The following TOMM20 variants were observed in gnomAD, a reference collection of about 807,000 sequenced individuals.
The protein encoded by TOMM20 is translocase of outer mitochondrial membrane 20, also known as mitochondrial import receptor subunit TOM20 homolog.
TOMM20 carries 10 observed loss-of-function variants against 22.1 expected under a neutral mutation model. The observed-to-expected ratio is 0.45, with a 90% confidence interval of 0.28 to 0.77. The LOEUF is 0.77. Ranked by LOEUF, TOMM20 falls within the 30% of genes least tolerant of loss-of-function variation. The pLI is 0.13. For synonymous variants in TOMM20, 55 were observed against 61.4 expected, an observed-to-expected ratio of 0.90 and a Z score of 0.49; for missense variants, 121 against 172.2, an observed-to-expected ratio of 0.70 and a Z score of 1.66.
chr1:235,127,202 C>T (rs2102814412), intron 1 of TOMM20, among the ~76,000 whole-genome samples: 1 of 152,154 alleles, frequency 6.6e-6, no homozygotes, highest in East Asian at 1.9e-4. Context: ...TGACCACCAG[C>T]ATTTATGGAG....
At chr1:235,117,200 T>C (rs1660849682) in intron 3 of TOMM20, among the ~76,000 whole-genome samples, 1 of 140,400 alleles carries the variant, frequency 7.1e-6, no homozygotes, top group African/African-American at 2.7e-5. Context: ...GGCTCACACC[T>C]GTAATCCCAG....
intron 1 of TOMM20, 174 bp from the exon 2 acceptor site, chr1:235,122,546 T>C (rs144927354): frequency 7.8e-6 from 4 of 511,294 alleles, no homozygotes; most frequent in African/African-American, 4.0e-5. Flanking sequence ...CAATGAGCTG[T>C]AGGAAATGTG....
chr1:235,116,882 T>C (rs950400153), intron 3 of TOMM20, among the ~76,000 whole-genome samples: 10 of 152,060 alleles, frequency 6.6e-5, no homozygotes, highest in African/African-American at 9.7e-5. Flanking sequence ...AAGCCTGTAA[T>C]CCCAGCACTT....
At chr1:235,114,767 A>G (rs1660804006) in intron 3 of TOMM20, among the ~76,000 whole-genome samples, 1 of 152,108 alleles carries the variant, frequency 6.6e-6, no homozygotes, top group African/African-American at 2.4e-5. Flanking sequence ...TTCAATAGAC[A>G]TATTATGTTT....
Position 235,116,947 on chromosome 1 carries a change from A to G in TOMM20, c.250+2871T>C, listed in dbSNP as rs191962459. ...TCAGGAGATCGAGACCATCCTGGCT[A>G]ACATGGTGAAACCCCGTCTCTACTA... On this transcript the variant is annotated intron_variant, in intron 3 of 4. Transcript: ENST00000366607. 5.5e-4 allele frequency among the ~76,000 whole-genome samples: 83 copies of G among 151,496 alleles called. No homozygotes were observed. The East Asian group carries it at 0.011, about 20-fold the overall frequency.
At chr1:235,112,958 A>T (rs1660763298) in intron 4 of TOMM20, among the ~76,000 whole-genome samples, 1 of 152,228 alleles carries the variant, frequency 6.6e-6, no homozygotes, top group Non-Finnish European at 1.5e-5. Context: ...AGTCGTTGGG[A>T]TCTTTACTTT....
At chr1:235,121,722 C>CATTTACTTA (rs1160576702) in intron 2 of TOMM20, among the ~76,000 whole-genome samples, 1 of 152,126 alleles carries the variant, frequency 6.6e-6, no homozygotes, top group African/African-American at 2.4e-5. Flanking sequence ...CAATGATTAA[C>CATTTACTTA]ATTTACTTAA....
chr1:235,119,986 A>G, intron 2 of TOMM20, 87 bp from the exon 3 acceptor site: 3 of 804,598 alleles, frequency 3.7e-6, no homozygotes, highest in Non-Finnish European at 5.6e-6. Flanking sequence ...TAAAACAACA[A>G]AAAACCAAAT....
chr1:235,118,634 C>G (rs767794479), intron 3 of TOMM20, among the ~76,000 whole-genome samples: 18 of 152,194 alleles, frequency 1.2e-4, no homozygotes, highest in Non-Finnish European at 7.3e-5. Flanking sequence ...TCAAGGTATC[C>G]TCCTACTTCA....
intron 1 of TOMM20, among the ~76,000 whole-genome samples, chr1:235,126,622 G>C (rs1661027426): frequency 6.6e-6 from 1 of 151,880 alleles, no homozygotes; most frequent in Non-Finnish European, 1.5e-5. Context: ...GGCCAATATG[G>C]TGAAACCCTG....
At position 235,112,094 on chromosome 1, in the gene TOMM20, A is replaced by G. The variant is rs753739387; in HGVS notation, c.408T>C (p.Ala136=). 6.2e-7 allele frequency: 1 copy of G among 1,608,276 alleles called. No individual in the cohort carries two copies. Among genetic ancestry groups the G allele is most frequent in the Non-Finnish European group, 8.5e-7 (1 of 1,177,854 alleles). Residue 136 remains alanine (A), a synonymous_variant, in exon 5 of 5, where the codon GCT becomes GCC. Transcript: ENST00000366607. ...CCACATCATCTTCAGCCAAGCTCTGAGCACTTACAATTCTCTGAAAGAAAA... is the reference window on the plus strand; with the variant it reads ...CCACATCATCTTCAGCCAAGCTCTGGGCACTTACAATTCTCTGAAAGAAAA... ...LPTISQRIVS[A]QSLAEDDVE
chr1:235,110,862 A>G lies in TOMM20; in HGVS notation c.*1202T>C, dbSNP rs1198623311. 1 of 152,244 alleles carries G rather than the reference A, an allele frequency of 6.6e-6. No homozygotes were observed. The highest frequency in any genetic ancestry group is 1.5e-5 in the Non-Finnish European group (1 of 68,048). 9.4% of individuals were successfully genotyped at this position (152,244 alleles called of 1,614,324 possible). A position where few individuals can be genotyped will look rare whatever the true frequency, so the allele number is the denominator to read the frequency against. On this transcript the variant is annotated 3_prime_UTR_variant, in exon 5 of 5. Coordinates refer to ENST00000366607, the MANE Select transcript of TOMM20 (RefSeq NM_014765.3). Reference sequence around the variant, plus strand: ...CACCAAGTACCAAGGATCCTTACTCAGTTCTGAAACTGTGACTACGGAGAA... The same window carrying G: ...CACCAAGTACCAAGGATCCTTACTCGGTTCTGAAACTGTGACTACGGAGAA...
At chr1:235,120,312 A>T (rs921084697) in intron 2 of TOMM20, among the ~76,000 whole-genome samples, 2 of 152,068 alleles carry the variant, frequency 1.3e-5, no homozygotes, top group African/African-American at 4.8e-5. Flanking sequence ...TCATTCTGTC[A>T]CCCAGGCTGG....
intron 3 of TOMM20, among the ~76,000 whole-genome samples, chr1:235,116,928 G>T (rs1027377254): frequency 6.7e-6 from 1 of 150,006 alleles, no homozygotes; most frequent in Non-Finnish European, 1.5e-5. Context: ...AAGGTCAGGA[G>T]ATCGAGACCA....
chr1:235,121,411 G>C (rs1660929236), intron 2 of TOMM20, among the ~76,000 whole-genome samples: 1 of 150,868 alleles, frequency 6.6e-6, no homozygotes. Flanking sequence ...GTCTCAATCT[G>C]TTTTCCTATG....
intron 2 of TOMM20, among the ~76,000 whole-genome samples, chr1:235,122,021 C>G (rs1660939225): frequency 6.6e-6 from 1 of 152,160 alleles, no homozygotes; most frequent in African/African-American, 2.4e-5. Flanking sequence ...TTTGAAGCAG[C>G]TGATTAGGAA....
chr1:235,115,848 C>A (rs1016054857), intron 3 of TOMM20, among the ~76,000 whole-genome samples: 19 of 151,996 alleles, frequency 1.3e-4, no homozygotes, highest in African/African-American at 4.6e-4. Context: ...AAAGCACACA[C>A]ATGTTTACTG....
intron 3 of TOMM20, among the ~76,000 whole-genome samples, chr1:235,116,257 A>G (rs1660825128): frequency 6.6e-6 from 1 of 152,062 alleles, no homozygotes; most frequent in Non-Finnish European, 1.5e-5. Context: ...TACAAAAATT[A>G]GGCCGGGGTG....
intron 4 of TOMM20, 48 bp from the exon 5 acceptor site, chr1:235,112,156 T>C (rs1303463258): frequency 7.0e-7 from 1 of 1,421,106 alleles, no homozygotes; most frequent in African/African-American, 1.5e-5. Flanking sequence ...AGCATTTAAT[T>C]AGGATTCTAA....
Sources: gnomAD v4.1 joint callset for allele counts (sites outside exome capture counted in the v4.1 genomes callset) on GRCh38, gnomAD v4.1.1 for gene constraint, MANE v1.5 for transcripts, NCBI Gene and HGNC (gene_info 2026-07-23, HGNC 2026-07-21) for gene names.